Variants in ATAD2B observed in about 807,000 individuals in gnomAD.
ATAD2B encodes the protein ATPase family AAA domain containing 2B, also known as ATPase family AAA domain-containing protein 2B.
ATAD2B carries 40 observed loss-of-function variants against 167.6 expected under a neutral mutation model. The observed-to-expected ratio is 0.24, with a 90% CI of 0.19 to 0.31. The LOEUF is 0.31. ATAD2B is among the 10% of genes least tolerant of loss of function. The pLI is 1.00. For synonymous variants in ATAD2B, 579 were observed against 596.5 expected, an observed-to-expected ratio of 0.97 and a Z score of 0.43; for missense variants, 1,242 against 1,757.2, an observed-to-expected ratio of 0.71 and a Z score of 5.24.
In ATAD2B at chr2:23,765,515, T is replaced by G; in HGVS notation, c.3247A>C (p.Ile1083Leu). The G allele has an allele frequency of 6.3e-7, 1 of 1,597,676 alleles. No homozygotes were observed. The highest frequency in any genetic ancestry group is 8.5e-7 in the Non-Finnish European group (1 of 1,170,148). The change falls in exon 23 of 28, where the codon ATA (isoleucine) becomes CTA (leucine). Residue 1083 changes from isoleucine (I) to leucine (L), a missense_variant. Physicochemically the swap from Ile to Leu is conservative, Grantham distance 5. Transcript: ENST00000238789. ...TATTTCTACAACTTACCTCTTTTTA[T>G]TCTTGCTTCCTTAATTTCCTCACAA... is the stretch of plus-strand genomic sequence containing the variant. ...KLCEEIKEAR[I>L]KRGLSVTSEQ... is the part of the protein sequence containing the mutation.
intron 22 of ATAD2B, among the ~76,000 whole-genome samples, chr2:23,771,397 C>T (rs529570137): frequency 5.2e-4 from 79 of 152,344 alleles, no homozygotes; most frequent in Admixed American, 1.8e-3. Context: ...AAAGTACTTA[C>T]TCTTTCATCA....
intron 17 of ATAD2B, among the ~76,000 whole-genome samples, chr2:23,812,786 C>G (rs931483956): frequency 6.8e-6 from 1 of 146,016 alleles, no homozygotes; most frequent in Non-Finnish European, 1.5e-5. Flanking sequence ...TCATTTGAAC[C>G]TGGGAGGCAG....
intron 21 of ATAD2B, among the ~76,000 whole-genome samples, chr2:23,784,674 C>A (rs1012899262): frequency 6.6e-6 from 1 of 151,686 alleles, no homozygotes; most frequent in African/African-American, 2.4e-5. Context: ...TCCAAATATA[C>A]CAAATAGGGG....
At chr2:23,885,654 T>C (rs1698560269) in intron 5 of ATAD2B, 73 bp downstream of exon 5, 2 of 824,888 alleles carry the variant, frequency 2.4e-6, no homozygotes, top group Non-Finnish European at 3.8e-6. Flanking sequence ...CATCCAACTG[T>C]TGCATTCTCC....
At chr2:23,724,743 C>G in the ATAD2B span, among the ~76,000 whole-genome samples, 2 of 152,004 alleles carry the variant, frequency 1.3e-5, no homozygotes, top group Admixed American at 6.5e-5. Context: ...AAAAAAAAAT[C>G]TTTAAAAGCA....
Position 23,754,297 on chromosome 2 carries a change from T to A in ATAD2B, c.4217A>T (p.Asp1406Val). The part of the protein sequence containing the change: ...VDRERLKKLL[D>V]LLVDKSNNLA... Reference sequence around the variant, plus strand: ...ATTGTTGCTTTTATCCACCAACAAATCAAGCAATTTCTAAGAAAAAACAGA... The same window carrying A: ...ATTGTTGCTTTTATCCACCAACAAAACAAGCAATTTCTAAGAAAAAACAGA... Residue 1406 changes from aspartate (D) to valine (V), a missense_variant, in exon 27 of 28, where the codon GAT becomes GTT. This residue lies in a region of ATAD2B where 282 missense variants were observed against 346.8 expected (regional missense o/e 0.81). Coordinates refer to ENST00000238789, the MANE Select transcript of ATAD2B (RefSeq NM_017552.4). 1.3e-6 allele frequency: 2 copies of A among 1,548,276 alleles called. No homozygotes were observed. Among genetic ancestry groups the A allele is most frequent in the South Asian group, 2.5e-5 (2 of 80,564 alleles).
chr2:23,747,825 T>A (rs755841703), downstream of ATAD2B, among the ~76,000 whole-genome samples: 115 of 152,012 alleles, frequency 7.6e-4, no homozygotes, highest in Non-Finnish European at 1.5e-3. Context: ...TTTGTAGGTG[T>A]CAGGGTACAG....
chr2:23,821,581 C>T (rs1687455470), intron 16 of ATAD2B, among the ~76,000 whole-genome samples: 1 of 152,092 alleles, frequency 6.6e-6, no homozygotes, highest in African/African-American at 2.4e-5. Flanking sequence ...ATTCATTGAA[C>T]AATATTCATA....
intron 15 of ATAD2B, among the ~76,000 whole-genome samples, chr2:23,825,556 T>C (rs980231096): frequency 6.6e-6 from 1 of 152,204 alleles, no homozygotes; most frequent in Non-Finnish European, 1.5e-5. Flanking sequence ...CAATAATGTA[T>C]AGAACACTAG....
chr2:23,864,699 G>C (rs1694892604), intron 11 of ATAD2B, 110 bp downstream of exon 11: 2 of 519,292 alleles, frequency 3.9e-6, no homozygotes, highest in Non-Finnish European at 6.6e-6. Context: ...TCATTGCTAG[G>C]ACACGTCAAA....
Position 23,798,339 on chromosome 2 carries a change from A to T in ATAD2B, c.2455-16T>A, listed in dbSNP as rs920054695. 9 of 1,563,782 alleles carry T rather than the reference A, an allele frequency of 5.8e-6. No homozygotes were observed. Among genetic ancestry groups the T allele is most frequent in the Non-Finnish European group, 8.7e-7 (1 of 1,146,534 alleles). On this transcript the variant is annotated splice_polypyrimidine_tract_variant and intron_variant, in intron 18 of 27. Transcript: ENST00000238789. ...CACGAAAAATCTAATTAAGGAAAAA[A>T]ACCAACATTAAACAACTCAAATTGA...
At chr2:23,761,119 T>C (rs1052172680) in intron 24 of ATAD2B, among the ~76,000 whole-genome samples, 4 of 152,226 alleles carry the variant, frequency 2.6e-5, no homozygotes, top group African/African-American at 9.7e-5. Flanking sequence ...AAGTTTAAAT[T>C]AGAGTACTAC....
the ATAD2B span, chr2:23,693,559 C>T: frequency 2.0e-6 from 3 of 1,535,620 alleles, no homozygotes; most frequent in Non-Finnish European, 2.6e-6. Flanking sequence ...CGCCCCTTCT[C>T]TCTGGGTTTG....
intron 10 of ATAD2B, among the ~76,000 whole-genome samples, chr2:23,867,052 G>C (rs750456472): frequency 5.3e-5 from 8 of 152,120 alleles, no homozygotes; most frequent in Non-Finnish European, 1.0e-4. Flanking sequence ...ACCCGTATTT[G>C]AATTTCTAGT....
intron 13 of ATAD2B, among the ~76,000 whole-genome samples, chr2:23,847,097 T>C (rs1284121930): frequency 1.7e-5 from 2 of 116,446 alleles, no homozygotes; most frequent in Non-Finnish European, 3.5e-5. Context: ...GACATATAAA[T>C]ATACCTCAAT....
At chr2:23,870,658 G>GA (rs112307311) in intron 8 of ATAD2B, among the ~76,000 whole-genome samples, 145,015 of 145,204 alleles carry the variant, frequency 1, 72,413 homozygotes, top group East Asian at 1. Flanking sequence ...TAGAATCTCA[G>GA]AAAAAAAAAA....
chr2:23,891,249 AC>A (rs1699441776), intron 2 of ATAD2B, among the ~76,000 whole-genome samples: 1 of 152,014 alleles, frequency 6.6e-6, no homozygotes, highest in Admixed American at 6.6e-5. Flanking sequence ...TGAACTCCTG[AC>A]CTCAGGTGAT....
intron 1 of ATAD2B, among the ~76,000 whole-genome samples, chr2:23,916,552 A>G (rs1558798835): frequency 6.6e-6 from 1 of 152,224 alleles, no homozygotes; most frequent in Admixed American, 6.5e-5. Context: ...ATCTTAGTAC[A>G]GTCACTAACC....
intron 16 of ATAD2B, among the ~76,000 whole-genome samples, chr2:23,821,235 A>G (rs1450381913): frequency 6.6e-6 from 1 of 152,266 alleles, no homozygotes; most frequent in Non-Finnish European, 1.5e-5. Context: ...GAAAACATAG[A>G]TAATAATGCT....
Sources: gnomAD v4.1 joint callset for allele counts (sites outside exome capture counted in the v4.1 genomes callset) on GRCh38, gnomAD v4.1.1 for gene constraint, gnomAD v4.1.1 regional missense constraint, MANE v1.5 for transcripts, NCBI Gene and HGNC (gene_info 2026-07-23, HGNC 2026-07-21) for gene names.